The following NTN4 variants were observed in gnomAD, a reference collection of about 807,000 sequenced individuals.
NTN4 encodes netrin 4.
Under a neutral mutation model 73.6 loss-of-function variants are expected in NTN4, and 32 were observed. The observed-to-expected ratio is 0.44, with a 90% CI of 0.33 to 0.58. NTN4 has a LOEUF of 0.58. Among genes scored for constraint, NTN4 ranks in the 20% least tolerant of loss-of-function variants. The probability of loss-of-function intolerance (pLI) is 0.04; values close to 1 mark genes in which losing one functional copy is unlikely to be tolerated. For missense variants in NTN4, 654 were observed against 798.3 expected, an observed-to-expected ratio of 0.82 and a Z score of 2.18; for synonymous variants, 258 against 287.5, an observed-to-expected ratio of 0.90 and a Z score of 1.04.
intron 3 of NTN4, among the ~76,000 whole-genome samples, chr12:95,718,565 G>T (rs888065300): frequency 6.6e-6 from 1 of 152,046 alleles, no homozygotes; most frequent in African/African-American, 2.4e-5. Flanking sequence ...AATCCTTTTT[G>T]AGCCCCCAGA....
chr12:95,755,792 G>A (rs2078943796), intron 2 of NTN4, among the ~76,000 whole-genome samples: 5 of 152,182 alleles, frequency 3.3e-5, no homozygotes, highest in Admixed American at 2.6e-4. Context: ...TGATGCAAAG[G>A]CAGCTTCGTA....
intron 2 of NTN4, among the ~76,000 whole-genome samples, chr12:95,741,658 T>C (rs2078828030): frequency 6.8e-6 from 1 of 147,884 alleles, no homozygotes; most frequent in Admixed American, 6.8e-5. Context: ...ATATAATTTA[T>C]AAATTAAACT....
intron 3 of NTN4, among the ~76,000 whole-genome samples, chr12:95,733,278 C>A: frequency 6.6e-6 from 1 of 152,222 alleles, no homozygotes. Flanking sequence ...AGCTTAAGAT[C>A]TCTTCACACA....
rs1365007189 is a variant in NTN4, at chr12:95,713,284, AGT to A, written c.917_918del (p.His306LeufsTer7). 1 of 1,612,842 alleles carries A rather than the reference AGT, an allele frequency of 6.2e-7. No individual in the cohort carries two copies. Among genetic ancestry groups the A allele is most frequent in the African/African-American group, 1.3e-5 (1 of 74,930 alleles). ...GGCCGGTCATTGTATAACGGGGCACAGTGCTGGCAGTGGCTGCCTGCTGTGTT... is the reference window on the plus strand; with the variant it reads ...GGCCGGTCATTGTATAACGGGGCACAGCTGGCAGTGGCTGCCTGCTGTGTT... ...KHNTAGSHCQHCAPLYNDRPW... is the reference protein window; with the variant it reads ...KHNTAGSHCQXCAPLYNDRPW... On this transcript the variant is annotated frameshift_variant, in exon 4 of 10. Coordinates refer to ENST00000343702, the MANE Select transcript of NTN4 (RefSeq NM_021229.4). LOFTEE classifies it high-confidence loss of function.
intron 2 of NTN4, among the ~76,000 whole-genome samples, chr12:95,784,766 CA>C (rs35588650): frequency 1.9e-4 from 27 of 138,928 alleles, no homozygotes; most frequent in Admixed American, 2.2e-4. Flanking sequence ...GACTCAGTCT[CA>C]AAAAAAAAAA....
chr12:95,704,815 T>A (rs988204865), intron 5 of NTN4, among the ~76,000 whole-genome samples: 3 of 152,116 alleles, frequency 2.0e-5, no homozygotes, highest in African/African-American at 7.2e-5. Context: ...ACAAAGCGAA[T>A]GGAGATAGGC....
rs940224461 is a variant in NTN4 at position 95,675,924 on chromosome 12, A to G, written c.1511-5778T>C. Among the ~76,000 whole-genome samples the G allele has an allele frequency of 5.9e-5, 9 of 152,286 alleles. No homozygotes were observed. In the South Asian group the frequency reaches 1.9e-3, roughly 32 times the overall value. On this transcript the variant is annotated intron_variant, in intron 7 of 9. Coordinates refer to ENST00000343702, the MANE Select transcript of NTN4 (RefSeq NM_021229.4). ...TACACAAAACTCCAAACTATTATTC[A>G]TGGCCACTTGATGACATTCTTAAAA...
chr12:95,706,629 C>T (rs2078523762), intron 5 of NTN4, among the ~76,000 whole-genome samples: 1 of 152,164 alleles, frequency 6.6e-6, no homozygotes, highest in African/African-American at 2.4e-5. Context: ...TTTAGGTTGG[C>T]AGTTAAGGCC....
At position 95,665,899 on chromosome 12, in the gene NTN4, G is replaced by A. The variant is rs768797200; in HGVS notation, c.1661C>T (p.Ser554Phe). Reference protein sequence around the residue: ...VNVKIKKVLKSTKLKIFRGKR... With the variant: ...VNVKIKKVLKFTKLKIFRGKR... ...TCCTCGGAAAATCTTCAGTTTGGTAGATTTTAAGACCTTTTTAATCTTCAC... is the reference window on the plus strand; with the variant it reads ...TCCTCGGAAAATCTTCAGTTTGGTAAATTTTAAGACCTTTTTAATCTTCAC... Residue 554 changes from serine to phenylalanine, a missense_variant, in exon 9 of 10, where the codon TCT (serine) becomes TTT (phenylalanine). Transcript: ENST00000343702. 6.2e-7 allele frequency: 1 copy of A among 1,613,650 alleles called. No homozygotes were observed. The highest frequency in any genetic ancestry group is 1.7e-5 in the Admixed American group (1 of 60,014).
At chr12:95,733,201 C>T (rs2078751228) in intron 3 of NTN4, among the ~76,000 whole-genome samples, 1 of 152,210 alleles carries the variant, frequency 6.6e-6, no homozygotes, top group African/African-American at 2.4e-5. Flanking sequence ...CACCCAACAG[C>T]TGTAAAATCA....
intron 2 of NTN4, among the ~76,000 whole-genome samples, chr12:95,774,420 C>T (rs1397457650): frequency 6.6e-6 from 1 of 152,150 alleles, no homozygotes; most frequent in African/African-American, 2.4e-5. Flanking sequence ...GAGCACCTGG[C>T]AGGTGGGAAG....
At chr12:95,666,736 T>C (rs2078183566) in intron 8 of NTN4, among the ~76,000 whole-genome samples, 2 of 152,220 alleles carry the variant, frequency 1.3e-5, no homozygotes, top group Admixed American at 1.3e-4. Flanking sequence ...AGAAAAATGC[T>C]ACTCCTAGAA....
chr12:95,759,768 A>G (rs559627347), intron 2 of NTN4, among the ~76,000 whole-genome samples: 1 of 152,144 alleles, frequency 6.6e-6, no homozygotes, highest in East Asian at 1.9e-4. Context: ...GGCCCCTTGT[A>G]GTATATTTTT....
intron 2 of NTN4, among the ~76,000 whole-genome samples, chr12:95,744,465 C>T (rs1237697516): frequency 6.6e-6 from 1 of 152,088 alleles, no homozygotes; most frequent in Non-Finnish European, 1.5e-5. Flanking sequence ...ATAATCTATG[C>T]CTTTAATGGG....
chr12:95,775,267 C>A (rs373989266), intron 2 of NTN4, among the ~76,000 whole-genome samples: 1 of 152,170 alleles, frequency 6.6e-6, no homozygotes, highest in East Asian at 1.9e-4. Flanking sequence ...ACACAGAAGA[C>A]GGGTGATTTC....
chr12:95,729,764 C>A (rs979012738), intron 3 of NTN4, among the ~76,000 whole-genome samples: 6 of 151,858 alleles, frequency 4.0e-5, no homozygotes, highest in African/African-American at 1.5e-4. Flanking sequence ...CTGAATATAA[C>A]TGTTTCAGGA....
chr12:95,759,880 C>T (rs7316122), intron 2 of NTN4, among the ~76,000 whole-genome samples: 122,400 of 152,078 alleles, frequency 0.8, 49,666 homozygotes, highest in South Asian at 0.9. Context: ...CTTGAACATA[C>T]GGAGTATATT....
intron 2 of NTN4, among the ~76,000 whole-genome samples, chr12:95,744,895 T>C (rs999123510): frequency 1.3e-5 from 2 of 151,800 alleles, no homozygotes; most frequent in Admixed American, 6.6e-5. Flanking sequence ...TCTTCATTTT[T>C]GTAAAATATT....
intron 3 of NTN4, among the ~76,000 whole-genome samples, chr12:95,722,566 A>G (rs1177839827): frequency 6.6e-6 from 1 of 152,172 alleles, no homozygotes; most frequent in African/African-American, 2.4e-5. Flanking sequence ...CAGACGTTGT[A>G]ATGAGCCGAG....
Sources: allele counts gnomAD v4.1 joint callset (sites outside exome capture counted in the v4.1 genomes callset), GRCh38; gene constraint gnomAD v4.1.1; transcripts MANE v1.5; gene names NCBI Gene and HGNC (gene_info 2026-07-23, HGNC 2026-07-21).